FGF12: variants seen among roughly 807,000 people sequenced by gnomAD.
FGF12 encodes fibroblast growth factor 12B.
FGF12 carries 14 observed loss-of-function variants against 23.6 expected under a neutral mutation model. The ratio of observed to expected loss-of-function variants is 0.59; its 90% CI spans 0.39 to 0.93. The LOEUF (loss-of-function observed/expected upper bound fraction) is 0.93. Among genes scored for constraint, FGF12 ranks in the 40% least tolerant of loss-of-function variants. The probability of loss-of-function intolerance (pLI) is 0.00; values close to 1 mark genes in which losing one functional copy is unlikely to be tolerated. For synonymous variants in FGF12, 62 were observed against 77.3 expected (o/e 0.80, Z 1.04); for missense variants, 175 against 217.8 (o/e 0.80, Z 1.24).
chr3:192,206,581 A>T (rs1717659586), intron 4 of FGF12, among the ~76,000 whole-genome samples: 1 of 152,206 alleles, frequency 6.6e-6, no homozygotes, highest in Admixed American at 6.5e-5. Flanking sequence ...GTTTAACAGC[A>T]CTCAATCTAC....
At chr3:192,683,194 G>T (rs1560193326) in intron 2 of FGF12, among the ~76,000 whole-genome samples, 1 of 152,194 alleles carries the variant, frequency 6.6e-6, no homozygotes, top group East Asian at 1.9e-4. Flanking sequence ...GCAGCCCAAG[G>T]AACCCGAACT....
chr3:192,273,848 T>C lies in FGF12; in HGVS notation c.228+61513A>G, dbSNP rs531528623. On this transcript the variant is annotated intron_variant, in intron 4 of 5. Coordinates refer to ENST00000445105, the MANE Select transcript of FGF12 (RefSeq NM_004113.6). ...GTTTGTCTGCTTGCTGCCCGTGTCC[T>C]TCCTGCTCAGTGGACTGATTCAAGG... Among the ~76,000 whole-genome samples, 120 of 152,128 alleles carry C rather than the reference T, an allele frequency of 7.9e-4. 1 individual carries two copies. The highest frequency in any genetic ancestry group is 2.5e-3 in the African/African-American group (105 of 41,498).
intron 2 of FGF12, among the ~76,000 whole-genome samples, chr3:192,699,190 T>G (rs1219849779): frequency 6.6e-6 from 1 of 152,208 alleles, no homozygotes; most frequent in East Asian, 1.9e-4. Flanking sequence ...GTCTTTTTCC[T>G]GGCTTCAAGT....
intron 2 of FGF12, among the ~76,000 whole-genome samples, chr3:192,496,748 C>G (rs188817450): frequency 1.5e-4 from 23 of 152,244 alleles, no homozygotes; most frequent in African/African-American, 5.3e-4. Context: ...AGATCCATTC[C>G]CAGTCTGCGT....
At chr3:192,508,110 T>C (rs1426538524) in intron 2 of FGF12, among the ~76,000 whole-genome samples, 6 of 152,204 alleles carry the variant, frequency 3.9e-5, no homozygotes, top group Non-Finnish European at 5.9e-5. Flanking sequence ...GCTGGCTTCA[T>C]TGAAGTAACA....
chr3:192,234,392 C>T (rs1719175582), intron 4 of FGF12, among the ~76,000 whole-genome samples: 1 of 152,146 alleles, frequency 6.6e-6, no homozygotes, highest in Non-Finnish European at 1.5e-5. Context: ...ATTTTGCATC[C>T]TGAAACTTTA....
At chr3:192,587,224 C>T (rs573232214) in intron 2 of FGF12, among the ~76,000 whole-genome samples, 1 of 151,968 alleles carries the variant, frequency 6.6e-6, no homozygotes, top group East Asian at 1.9e-4. Context: ...CAATGTAGAA[C>T]TTGGTAAGAG....
At chr3:192,434,150 T>A (rs201865299) in intron 2 of FGF12, among the ~76,000 whole-genome samples, 1 of 152,098 alleles carries the variant, frequency 6.6e-6, no homozygotes, top group Non-Finnish European at 1.5e-5. Flanking sequence ...TTCTCACTTT[T>A]GCAAATAAAA....
intron 4 of FGF12, among the ~76,000 whole-genome samples, chr3:192,222,668 G>A (rs994175081): frequency 2.6e-5 from 4 of 152,084 alleles, no homozygotes; most frequent in Middle Eastern, 3.4e-3. Flanking sequence ...CTTTTATTGT[G>A]TGTGAAAAAG....
chr3:192,564,344 G>A (rs1712184107), intron 2 of FGF12, among the ~76,000 whole-genome samples: 1 of 152,218 alleles, frequency 6.6e-6, no homozygotes, highest in Admixed American at 6.5e-5. Context: ...GATTACAGGA[G>A]TGAGCCACTG....
intron 4 of FGF12, among the ~76,000 whole-genome samples, chr3:192,329,565 T>G (rs1717000794): frequency 6.6e-6 from 1 of 152,162 alleles, no homozygotes; most frequent in South Asian, 2.1e-4. Context: ...GTGAGTCAAT[T>G]TACAGAGGAT....
At chr3:192,301,779 G>C (rs1715361449) in intron 4 of FGF12, among the ~76,000 whole-genome samples, 1 of 152,064 alleles carries the variant, frequency 6.6e-6, no homozygotes, top group South Asian at 2.1e-4. Context: ...GCAGAAATTG[G>C]GTAGATTCTC....
At chr3:192,268,217 C>A (rs1256531122) in intron 4 of FGF12, among the ~76,000 whole-genome samples, 5 of 152,152 alleles carry the variant, frequency 3.3e-5, no homozygotes, top group Non-Finnish European at 5.9e-5. Flanking sequence ...CTGCACTTCT[C>A]TGCCCTACAT....
chr3:192,474,749 G>A (rs1234850483), intron 2 of FGF12, among the ~76,000 whole-genome samples: 1 of 152,034 alleles, frequency 6.6e-6, no homozygotes, highest in Non-Finnish European at 1.5e-5. Context: ...GCCAGGTGTG[G>A]TGATGTGTCC....
chr3:192,489,622 C>A (rs1577014487), intron 2 of FGF12, among the ~76,000 whole-genome samples: 1 of 152,164 alleles, frequency 6.6e-6, no homozygotes, highest in East Asian at 1.9e-4. Flanking sequence ...GAAACTTTTA[C>A]TCCCCTGAGG....
chr3:192,291,812 A>C (rs1482141706), intron 4 of FGF12, among the ~76,000 whole-genome samples: 1 of 152,218 alleles, frequency 6.6e-6, no homozygotes, highest in Non-Finnish European at 1.5e-5. Flanking sequence ...GGGAAATACT[A>C]AAGTTATGTA....
intron 4 of FGF12, among the ~76,000 whole-genome samples, chr3:192,220,349 T>C (rs1014765496): frequency 2.6e-5 from 4 of 152,214 alleles, no homozygotes; most frequent in African/African-American, 9.6e-5. Flanking sequence ...AAACTCTAAA[T>C]AATTTACTAT....
At chr3:192,365,409 A>T (rs1338223850) in intron 2 of FGF12, among the ~76,000 whole-genome samples, 1 of 152,150 alleles carries the variant, frequency 6.6e-6, no homozygotes, top group Non-Finnish European at 1.5e-5. Context: ...CATTATGTAA[A>T]AATGAAGGAA....
chr3:192,492,256 C>A (rs910201173), intron 2 of FGF12, among the ~76,000 whole-genome samples: 18 of 152,252 alleles, frequency 1.2e-4, no homozygotes, highest in African/African-American at 4.3e-4. Flanking sequence ...CCAAAAGATT[C>A]ATATCATTAG....
Sources: gnomAD v4.1 joint callset for allele counts (sites outside exome capture counted in the v4.1 genomes callset) on GRCh38, gnomAD v4.1.1 for gene constraint, MANE v1.5 for transcripts, NCBI Gene and HGNC (gene_info 2026-07-23, HGNC 2026-07-21) for gene names.